ACMSD: variants seen among roughly 807,000 people sequenced by gnomAD.
The protein encoded by ACMSD is aminocarboxymuconate semialdehyde decarboxylase, also known as 2-amino-3-carboxymuconate-6-semialdehyde decarboxylase.
A neutral mutation model predicts 45.9 loss-of-function variants in ACMSD; 37 were observed. The ratio of observed to expected loss-of-function variants is 0.81; its 90% CI spans 0.62 to 1.06. The LOEUF is 1.06. ACMSD is among the 50% of genes least tolerant of loss of function. ACMSD has a pLI of 0.00. For synonymous variants in ACMSD, 138 were observed against 148.8 expected (o/e 0.93, Z 0.53); for missense variants, 434 against 420.9 (o/e 1.03, Z -0.27).
chr2:134,869,499 C>G (rs1427259241), intron 6 of ACMSD, among the ~76,000 whole-genome samples: 1 of 152,142 alleles, frequency 6.6e-6, no homozygotes, highest in Non-Finnish European at 1.5e-5. Flanking sequence ...AGGAGTGAAC[C>G]ACCGCACCCA....
At chr2:134,868,111 T>G (rs1030424191) in intron 6 of ACMSD, among the ~76,000 whole-genome samples, 2 of 152,202 alleles carry the variant, frequency 1.3e-5, no homozygotes, top group African/African-American at 4.8e-5. Context: ...TAGACGATGA[T>G]AATAGCATCA....
chr2:134,898,201 G>A (rs1475294002), intron 8 of ACMSD, 140 bp from the exon 9 acceptor site: 5 of 504,680 alleles, frequency 9.9e-6, no homozygotes, highest in African/African-American at 4.0e-5. Flanking sequence ...TAAAATTTTA[G>A]ACAAGTTTTA....
intron 2 of ACMSD, among the ~76,000 whole-genome samples, chr2:134,846,970 C>G (rs950352068): frequency 6.6e-6 from 1 of 152,134 alleles, no homozygotes; most frequent in African/African-American, 2.4e-5. Context: ...AGTGGGGGAA[C>G]AGCAGTTGCA....
chr2:134,872,651 G>A lies in ACMSD; in HGVS notation c.849+10G>A. The A allele has an allele frequency of 6.2e-7, 1 of 1,614,146 alleles. No individual in the cohort carries two copies. Among genetic ancestry groups the A allele is most frequent in the Non-Finnish European group, 8.5e-7 (1 of 1,179,972 alleles). ...AGATGTCATAGGAAAGGTAAGCCCAGTCTGCCACTTGGATGGCTTATGGGG... is the reference window on the plus strand; with the variant it reads ...AGATGTCATAGGAAAGGTAAGCCCAATCTGCCACTTGGATGGCTTATGGGG... On this transcript the variant is annotated intron_variant, in intron 8 of 9. Coordinates refer to ENST00000356140, the MANE Select transcript of ACMSD (RefSeq NM_138326.3).
chr2:134,891,110 C>A (rs1689758954), intron 8 of ACMSD, among the ~76,000 whole-genome samples: 1 of 152,002 alleles, frequency 6.6e-6, no homozygotes, highest in South Asian at 2.1e-4. Flanking sequence ...GTAATTATTT[C>A]TTTTGCTGTG....
At chr2:134,887,852 GC>G (rs1402005330) in intron 8 of ACMSD, among the ~76,000 whole-genome samples, 1 of 152,106 alleles carries the variant, frequency 6.6e-6, no homozygotes, top group East Asian at 1.9e-4. Flanking sequence ...TCTCATACCA[GC>G]CATACACAAA....
At chr2:134,862,137 C>T (rs1687878062) in intron 4 of ACMSD, 119 bp downstream of exon 4, 2 of 1,082,026 alleles carry the variant, frequency 1.8e-6, no homozygotes, top group Non-Finnish European at 2.9e-6. Context: ...AACAACTGTC[C>T]TCCCCTTTAG....
At chr2:134,866,854 A>C (rs928392749) in intron 5 of ACMSD, among the ~76,000 whole-genome samples, 1 of 152,190 alleles carries the variant, frequency 6.6e-6, no homozygotes, top group Admixed American at 6.5e-5. Flanking sequence ...GAGCATGCCT[A>C]TGACATTCAT....
At chr2:134,891,519 A>G (rs992215208) in intron 8 of ACMSD, among the ~76,000 whole-genome samples, 2 of 152,200 alleles carry the variant, frequency 1.3e-5, no homozygotes, top group Non-Finnish European at 2.9e-5. Flanking sequence ...AGAAATGCAA[A>G]TTAAAACTAC....
intron 8 of ACMSD, among the ~76,000 whole-genome samples, chr2:134,882,715 T>G (rs1689108585): frequency 6.6e-6 from 1 of 152,216 alleles, no homozygotes; most frequent in African/African-American, 2.4e-5. Context: ...CTGTATTTAC[T>G]GCAAATGCTA....
rs765809589 is a variant in ACMSD at position 134,845,234 on chromosome 2, G to C, written c.59G>C (p.Arg20Thr). Residue 20 changes from arginine to threonine, a missense_variant and splice_region_variant, in exon 2 of 10, where the codon AGG becomes ACG. Arg to Thr is a moderately conservative substitution (Grantham distance 71). Transcript: ENST00000356140. Reference sequence around the variant, plus strand: ...TAACTGTGCTTCTCCCCACTGCAGAGGTTTGGCTACGGAGGCTGGGTGCAG... The same window carrying C: ...TAACTGTGCTTCTCCCCACTGCAGACGTTTGGCTACGGAGGCTGGGTGCAG... ...LPKEWPDLKK[R>T]FGYGGWVQLQ... The C allele has an allele frequency of 3.7e-6, 6 of 1,614,100 alleles. No individual in the cohort carries two copies. The East Asian group carries it at 1.3e-4, about 36-fold the overall frequency.
intron 8 of ACMSD, among the ~76,000 whole-genome samples, chr2:134,888,032 T>C (rs921232011): frequency 6.6e-6 from 1 of 152,172 alleles, no homozygotes; most frequent in Non-Finnish European, 1.5e-5. Context: ...TTAGACTTCA[T>C]CACATTAAAC....
At chr2:134,864,869 C>T (rs1337544639) in intron 5 of ACMSD, among the ~76,000 whole-genome samples, 1 of 152,204 alleles carries the variant, frequency 6.6e-6, no homozygotes, top group Non-Finnish European at 1.5e-5. Context: ...CAGTCTTCTT[C>T]TTCCTCCTCC....
chr2:134,847,219 A>G (rs976043547), intron 2 of ACMSD, among the ~76,000 whole-genome samples: 11 of 152,170 alleles, frequency 7.2e-5, no homozygotes, highest in African/African-American at 2.7e-4. Context: ...TGTGGAGAAC[A>G]CATAGAGGCA....
intron 4 of ACMSD, chr2:134,862,941 A>G: frequency 1.0e-6 from 1 of 984,456 alleles, no homozygotes. Flanking sequence ...AGAGAGGAGG[A>G]CAGGCAGGGG....
At chr2:134,857,661 G>A (rs1687646484) in intron 2 of ACMSD, among the ~76,000 whole-genome samples, 1 of 151,816 alleles carries the variant, frequency 6.6e-6, no homozygotes, top group Admixed American at 6.6e-5. Context: ...TGATTTAGGT[G>A]ACTTTTGTTT....
Position 134,881,301 on chromosome 2 carries a change from C to T in ACMSD, c.849+8660C>T, listed in dbSNP as rs143010560. Among the ~76,000 whole-genome samples the T allele has an allele frequency of 2.4e-3, 367 of 152,314 alleles. 1 individual carries two copies. The highest frequency in any genetic ancestry group is 8.3e-3 in the African/African-American group (346 of 41,576). ...CAGGCATGTGCCACTGCACCTGGCC[C>T]TTTTCTTTATTTTTAATGGAGAATC... On this transcript the variant is annotated intron_variant, in intron 8 of 9. Coordinates refer to ENST00000356140, the MANE Select transcript of ACMSD (RefSeq NM_138326.3).
intron 1 of ACMSD, among the ~76,000 whole-genome samples, chr2:134,844,184 C>T (rs1019651792): frequency 6.6e-6 from 1 of 152,092 alleles, no homozygotes; most frequent in Non-Finnish European, 1.5e-5. Flanking sequence ...GGTGGCTTTC[C>T]ACAGTTTTTA....
At chr2:134,852,572 C>G (rs1687393368) in intron 2 of ACMSD, among the ~76,000 whole-genome samples, 1 of 152,136 alleles carries the variant, frequency 6.6e-6, no homozygotes, top group African/African-American at 2.4e-5. Flanking sequence ...AGGATAGAAG[C>G]CGCCAACCCA....
Sources: gnomAD v4.1 joint callset for allele counts (sites outside exome capture counted in the v4.1 genomes callset) on GRCh38, gnomAD v4.1.1 for gene constraint, MANE v1.5 for transcripts, NCBI Gene and HGNC (gene_info 2026-07-23, HGNC 2026-07-21) for gene names.